The following ROBO2 variants were observed in gnomAD, a reference collection of about 807,000 sequenced individuals.
ROBO2 encodes roundabout guidance receptor 2, also known as roundabout homolog 2.
A neutral mutation model predicts 160.8 loss-of-function variants in ROBO2; 53 were observed. That is an observed-to-expected ratio of 0.33 (90% CI 0.26 to 0.41). The LOEUF (loss-of-function observed/expected upper bound fraction) is 0.41, where lower values mean the gene tolerates loss of function less well. ROBO2 is among the 10% of genes least tolerant of loss of function. The pLI, the probability that ROBO2 is intolerant of heterozygous loss-of-function variation, is 1.00. For synonymous variants in ROBO2, 664 were observed against 611.7 expected, an observed-to-expected ratio of 1.09 and a Z score of -1.26; for missense variants, 1,577 against 1,722.4, an observed-to-expected ratio of 0.92 and a Z score of 1.49.
At chr3:76,306,404 T>C (rs1410481316) in intron 2 of ROBO2, among the ~76,000 whole-genome samples, 1 of 152,092 alleles carries the variant, frequency 6.6e-6, no homozygotes, top group Non-Finnish European at 1.5e-5. Flanking sequence ...GTAAAAATTA[T>C]ATCCTTATTA....
chr3:76,845,585 A>G (rs2068703084), intron 2 of ROBO2, among the ~76,000 whole-genome samples: 5 of 152,002 alleles, frequency 3.3e-5, no homozygotes, highest in Admixed American at 2.6e-4. Flanking sequence ...CTACACCACC[A>G]TACTGTAATC....
intron 2 of ROBO2, among the ~76,000 whole-genome samples, chr3:77,459,982 G>T (rs1032525860): frequency 6.6e-6 from 1 of 151,994 alleles, no homozygotes; most frequent in Non-Finnish European, 1.5e-5. Flanking sequence ...TATGTAAAAA[G>T]ATGTTAACAT....
At chr3:76,697,933 T>A (rs1191591518) in intron 2 of ROBO2, among the ~76,000 whole-genome samples, 8 of 152,160 alleles carry the variant, frequency 5.3e-5, no homozygotes, top group Admixed American at 5.2e-4. Context: ...GGATATAGAA[T>A]GCCTGTAGAA....
intron 2 of ROBO2, among the ~76,000 whole-genome samples, chr3:77,148,245 T>A (rs1198245753): frequency 1.3e-5 from 2 of 152,226 alleles, no homozygotes; most frequent in Non-Finnish European, 2.9e-5. Context: ...TGGTTACCAC[T>A]TTTGATTTAA....
At chr3:76,099,898 T>C (rs924890897) in intron 2 of ROBO2, among the ~76,000 whole-genome samples, 12 of 152,174 alleles carry the variant, frequency 7.9e-5, no homozygotes, top group African/African-American at 2.9e-4. Flanking sequence ...CTCCACTTGA[T>C]ATATTGGCCA....
At chr3:77,618,931 C>A (rs1390947895) in intron 22 of ROBO2, among the ~76,000 whole-genome samples, 1 of 152,188 alleles carries the variant, frequency 6.6e-6, no homozygotes, top group East Asian at 1.9e-4. Context: ...CACAGGGCTT[C>A]CTTCACGTTA....
intron 2 of ROBO2, among the ~76,000 whole-genome samples, chr3:77,381,216 G>A (rs2073419630): frequency 6.6e-6 from 1 of 152,182 alleles, no homozygotes; most frequent in African/African-American, 2.4e-5. Context: ...TCCGGAGGCT[G>A]AGGCAGGAGA....
At chr3:77,449,423 G>A (rs1296576289) in intron 2 of ROBO2, among the ~76,000 whole-genome samples, 1 of 152,014 alleles carries the variant, frequency 6.6e-6, no homozygotes, top group South Asian at 2.1e-4. Flanking sequence ...GGGATGAGAA[G>A]GGATAATAAA....
At position 76,706,494 on chromosome 3, in the gene ROBO2, A is replaced by T. The variant is rs116280691; in HGVS notation, c.110-391520A>T. ...CCCTGATCCCTCCCCCAGCCTCCTA[A>T]CTCTCCATTTTCACTCAGTACTATA... On this transcript the variant is annotated intron_variant, in intron 2 of 26. Transcript: ENST00000487694. Among the ~76,000 whole-genome samples, 1,222 of 151,600 alleles carry T rather than the reference A, an allele frequency of 8.1e-3. 4 individuals are homozygous for T. Among genetic ancestry groups the T allele is most frequent in the Middle Eastern group, 0.037 (11 of 294 alleles).
At position 76,662,191 on chromosome 3, in the gene ROBO2, G is replaced by A. The variant is rs189071715; in HGVS notation, c.110-435823G>A. Among the ~76,000 whole-genome samples, 371 of 152,170 alleles carry A rather than the reference G, an allele frequency of 2.4e-3. 2 individuals carry two copies. Among genetic ancestry groups the A allele is most frequent in the Middle Eastern group, 6.8e-3 (2 of 294 alleles). On this transcript the variant is annotated intron_variant, in intron 2 of 26. Transcript: ENST00000487694. ...AAGAAGGGGTCCCTTCAGTTGGTTGGAGGTGGGGGCCTTGGAATTTTATTT... is the reference window on the plus strand; with the variant it reads ...AAGAAGGGGTCCCTTCAGTTGGTTGAAGGTGGGGGCCTTGGAATTTTATTT...
intron 2 of ROBO2, among the ~76,000 whole-genome samples, chr3:77,213,771 A>G (rs1482585651): frequency 6.6e-6 from 1 of 151,970 alleles, no homozygotes; most frequent in Admixed American, 6.5e-5. Flanking sequence ...AGATTCTGGT[A>G]TGTTGTGTCT....
At chr3:76,217,640 A>G (rs1703645972) in intron 2 of ROBO2, among the ~76,000 whole-genome samples, 1 of 152,224 alleles carries the variant, frequency 6.6e-6, no homozygotes, top group South Asian at 2.1e-4. Flanking sequence ...GAATAGAACA[A>G]TAACAGGCTC....
At chr3:77,304,675 A>T (rs2062946989) in intron 2 of ROBO2, among the ~76,000 whole-genome samples, 1 of 152,206 alleles carries the variant, frequency 6.6e-6, no homozygotes, top group Non-Finnish European at 1.5e-5. Flanking sequence ...AATATTGCTA[A>T]ATAACCTGCT....
At chr3:76,550,661 C>T (rs1248627191) in intron 2 of ROBO2, among the ~76,000 whole-genome samples, 3 of 152,212 alleles carry the variant, frequency 2.0e-5, no homozygotes, top group Non-Finnish European at 4.4e-5. Context: ...GAAGCTCCTG[C>T]CCCCACAGGC....
intron 4 of ROBO2, among the ~76,000 whole-genome samples, 172 bp downstream of exon 4, chr3:77,481,391 T>C (rs1407775041): frequency 6.6e-6 from 1 of 152,208 alleles, no homozygotes. Context: ...AGCTTCGATG[T>C]AAAGAAAAAA....
chr3:77,218,252 C>T (rs1367751320), intron 2 of ROBO2, among the ~76,000 whole-genome samples: 1 of 152,164 alleles, frequency 6.6e-6, no homozygotes, highest in African/African-American at 2.4e-5. Context: ...CACCTCATTT[C>T]TTTAATATGC....
At chr3:76,244,049 G>T (rs1415955323) in intron 2 of ROBO2, among the ~76,000 whole-genome samples, 1 of 152,104 alleles carries the variant, frequency 6.6e-6, no homozygotes, top group Non-Finnish European at 1.5e-5. Flanking sequence ...ACTGTGCCAG[G>T]CACTCTTGTA....
At chr3:77,410,534 CTCCTCTTCTTCCTCCTCTTCT>C (rs2076631749) in intron 2 of ROBO2, among the ~76,000 whole-genome samples, 2 of 146,430 alleles carry the variant, frequency 1.4e-5, no homozygotes, top group Non-Finnish European at 3.0e-5. Context: ...CCTCTTCCTC[CTCCTCTTCTTCCTCCTCTTCT>C]TCCTCCTCTT....
intron 2 of ROBO2, among the ~76,000 whole-genome samples, chr3:76,306,792 G>C (rs1347080076): frequency 6.6e-6 from 1 of 152,150 alleles, no homozygotes. Context: ...AAGGAATGTA[G>C]ATAAGAAACC....
Sources: gnomAD v4.1 joint callset for allele counts (sites outside exome capture counted in the v4.1 genomes callset) on GRCh38, gnomAD v4.1.1 for gene constraint, MANE v1.5 for transcripts, NCBI Gene and HGNC (gene_info 2026-07-23, HGNC 2026-07-21) for gene names.